PPP1R14C: variants seen among roughly 807,000 people sequenced by gnomAD.
PPP1R14C encodes protein phosphatase 1 regulatory subunit 14C.
A neutral mutation model predicts 20.4 loss-of-function variants in PPP1R14C; 16 were observed. That is an observed-to-expected ratio of 0.78 (90% confidence interval 0.53 to 1.19). The LOEUF is 1.19. PPP1R14C is among the 50% of genes most tolerant of loss of function. PPP1R14C has a pLI of 0.00. For synonymous variants in PPP1R14C, 91 were observed against 91.0 expected, an observed-to-expected ratio of 1.00 and a Z score of 0.00; for missense variants, 211 against 220.1, an observed-to-expected ratio of 0.96 and a Z score of 0.26.
chr6:150,205,760 C>T (rs1380316184), intron 1 of PPP1R14C, among the ~76,000 whole-genome samples: 3 of 150,350 alleles, frequency 2.0e-5, no homozygotes, highest in Non-Finnish European at 3.0e-5. Flanking sequence ...CCACTACACT[C>T]CATCCTGGGC....
intron 3 of PPP1R14C, among the ~76,000 whole-genome samples, chr6:150,218,399 T>C (rs1428969077): frequency 2.0e-5 from 3 of 149,770 alleles, no homozygotes; most frequent in African/African-American, 2.5e-5. Context: ...CGAGACTCCG[T>C]CTCAGAAAAA....
At chr6:150,150,870 T>C (rs2114850931) in intron 1 of PPP1R14C, among the ~76,000 whole-genome samples, 1 of 151,886 alleles carries the variant, frequency 6.6e-6, no homozygotes, top group African/African-American at 2.4e-5. Flanking sequence ...ACCACCACCA[T>C]CCCCCACTAC....
At chr6:150,241,558 G>A (rs891304695) in intron 3 of PPP1R14C, among the ~76,000 whole-genome samples, 5 of 152,102 alleles carry the variant, frequency 3.3e-5, no homozygotes, top group Admixed American at 1.3e-4. Context: ...ACTTTAACCC[G>A]TAGCATCTAA....
intron 3 of PPP1R14C, among the ~76,000 whole-genome samples, chr6:150,242,235 C>G (rs1778440770): frequency 7.3e-6 from 1 of 136,218 alleles, no homozygotes; most frequent in Non-Finnish European, 1.6e-5. Context: ...TAAACTCTTC[C>G]AGAAACTTGA....
chr6:150,219,840 G>A (rs1778145169), intron 3 of PPP1R14C, among the ~76,000 whole-genome samples: 1 of 151,186 alleles, frequency 6.6e-6, no homozygotes, highest in Non-Finnish European at 1.5e-5. Context: ...TTGCATTTGT[G>A]TGTATAAGAA....
At chr6:150,168,111 C>T (rs199575512) in intron 1 of PPP1R14C, among the ~76,000 whole-genome samples, 1,611 of 111,808 alleles carry the variant, frequency 0.014, 58 homozygotes, top group East Asian at 0.074. Flanking sequence ...CCTTTTACTT[C>T]CCTCCCCCAC....
chr6:150,168,329 G>C (rs1777456329), intron 1 of PPP1R14C, among the ~76,000 whole-genome samples: 1 of 151,742 alleles, frequency 6.6e-6, no homozygotes, highest in Admixed American at 6.6e-5. Flanking sequence ...GAGCTCAGGA[G>C]ATCGAGACCA....
intron 1 of PPP1R14C, among the ~76,000 whole-genome samples, chr6:150,173,288 A>G (rs993578743): frequency 6.0e-5 from 9 of 150,934 alleles, no homozygotes; most frequent in African/African-American, 2.2e-4. Flanking sequence ...AGCTCCTCTC[A>G]TTTTCTCCCA....
intron 1 of PPP1R14C, among the ~76,000 whole-genome samples, chr6:150,193,667 G>T (rs536166736): frequency 6.6e-6 from 1 of 152,082 alleles, no homozygotes; most frequent in Non-Finnish European, 1.5e-5. Context: ...GGAGGGAGGG[G>T]ATGACATCTG....
rs572505306 is a variant in PPP1R14C, at chr6:150,195,203, C to T, written c.307-19541C>T. ...AAGCATTTTACATGGCAGAGAGCTCCGGTTTATTCACTCAATAACAAATTG... is the reference window on the plus strand; with the variant it reads ...AAGCATTTTACATGGCAGAGAGCTCTGGTTTATTCACTCAATAACAAATTG... On this transcript the variant is annotated intron_variant, in intron 1 of 3. Transcript: ENST00000361131. 4.6e-5 allele frequency: 45 copies of T among 976,228 alleles called. No individual in the cohort carries two copies. In the South Asian group the frequency reaches 1.2e-3, roughly 27 times the overall value. 60.5% of individuals were successfully genotyped at this position (976,228 alleles called of 1,614,324 possible). A position where few individuals can be genotyped will look rare whatever the true frequency, so the allele number is the denominator to read the frequency against.
rs1305459978 is a variant in PPP1R14C, at chr6:150,187,711, T to A, written c.307-27033T>A. Among the ~76,000 whole-genome samples the A allele has an allele frequency of 3.3e-5, 5 of 152,236 alleles. No homozygotes were observed. The East Asian group carries it at 9.6e-4, about 29-fold the overall frequency. On this transcript the variant is annotated intron_variant, in intron 1 of 3. Transcript: ENST00000361131. ...AGTCTATCATTGATGGGCATTTAAG[T>A]TGATTCCATGTCTTTGCTAATGTGA...
At chr6:150,215,646 G>A (rs1562271866) in intron 2 of PPP1R14C, among the ~76,000 whole-genome samples, 1 of 152,154 alleles carries the variant, frequency 6.6e-6, no homozygotes, top group African/African-American at 2.4e-5. Flanking sequence ...ATTTCTTCTT[G>A]CTAGATTTAG....
rs569639979 is a variant in PPP1R14C at position 150,179,645 on chromosome 6, T to TA, written c.307-35088dup. Among the ~76,000 whole-genome samples, 552 of 144,600 alleles carry TA rather than the reference T, an allele frequency of 3.8e-3. 7 individuals are homozygous for TA. The highest frequency in any genetic ancestry group is 0.032 in the South Asian group (143 of 4,532). 94.9% of individuals were successfully genotyped at this position (144,600 alleles called of 152,430 possible). A position where few individuals can be genotyped will look rare whatever the true frequency, so the allele number is the denominator to read the frequency against. ...TCTCTGCCATTGGTTCATGGGCTGT[T>TA]AAAAAAAAAAAGGGGATAATATCCA... On this transcript the variant is annotated intron_variant, in intron 1 of 3. Transcript: ENST00000361131.
In PPP1R14C at chr6:150,161,289, C is replaced by T. The variant is rs181717327; in HGVS notation, c.306+17791C>T. On this transcript the variant is annotated intron_variant, in intron 1 of 3. Coordinates refer to ENST00000361131, the MANE Select transcript of PPP1R14C (RefSeq NM_030949.3). Reference sequence around the variant, plus strand: ...AGCAAGACTGTTTAAAAAAAAAAGACGAAGAAAAAAGAAAAGAAAAGAAAC... The same window carrying T: ...AGCAAGACTGTTTAAAAAAAAAAGATGAAGAAAAAAGAAAAGAAAAGAAAC... Among the ~76,000 whole-genome samples, 82 of 146,012 alleles carry T rather than the reference C, an allele frequency of 5.6e-4. No individual in the cohort carries two copies. The South Asian group carries it at 7.8e-3, about 14-fold the overall frequency.
intron 1 of PPP1R14C, among the ~76,000 whole-genome samples, chr6:150,210,210 C>A (rs1216608090): frequency 4.6e-5 from 7 of 152,088 alleles, no homozygotes; most frequent in Admixed American, 2.0e-4. Context: ...GGCAAGGGGG[C>A]TGGTGATGGC....
At chr6:150,194,719 T>C in intron 1 of PPP1R14C, 1 of 985,450 alleles carries the variant, frequency 1.0e-6, no homozygotes, top group Non-Finnish European at 1.2e-6. Context: ...TGTTCAGCTA[T>C]AAAACGTAAA....
At chr6:150,195,763 A>G (rs984195917) in intron 1 of PPP1R14C, 18 of 849,712 alleles carry the variant, frequency 2.1e-5, no homozygotes, top group Non-Finnish European at 7.1e-6. Flanking sequence ...AACCATCCCC[A>G]CCATTCATCT....
At chr6:150,156,024 C>CAAAAAAAAAAAAAA (rs67908012) in intron 1 of PPP1R14C, among the ~76,000 whole-genome samples, 114 of 38,272 alleles carry the variant, frequency 3.0e-3, no homozygotes, top group Non-Finnish European at 3.7e-3. Context: ...GACTCTGTCT[C>CAAAAAAAAAAAAAA]AAAAAAAAAA....
chr6:150,173,033 G>A (rs1175246234), intron 1 of PPP1R14C, among the ~76,000 whole-genome samples: 1 of 151,906 alleles, frequency 6.6e-6, no homozygotes, highest in Non-Finnish European at 1.5e-5. Context: ...AGTTTTTTTT[G>A]TGTTTTGAAA....
Sources: allele counts gnomAD v4.1 joint callset (sites outside exome capture counted in the v4.1 genomes callset), GRCh38; gene constraint gnomAD v4.1.1; transcripts MANE v1.5; gene names NCBI Gene and HGNC (gene_info 2026-07-23, HGNC 2026-07-21).